Variants in ZNF560 observed in about 807,000 individuals in gnomAD.
ZNF560 encodes the protein zinc finger protein 560.
Under a neutral mutation model 81.8 loss-of-function variants are expected in ZNF560, and 54 were observed. The ratio of observed to expected loss-of-function variants is 0.66; its 90% CI spans 0.53 to 0.83. The LOEUF is 0.83. Among genes scored for constraint, ZNF560 ranks in the 40% least tolerant of loss-of-function variants. The pLI is 0.00. For missense variants in ZNF560, 940 were observed against 932.4 expected, an observed-to-expected ratio of 1.01 and a Z score of -0.11; for synonymous variants, 321 against 317.9, an observed-to-expected ratio of 1.01 and a Z score of -0.10.
chr19:9,489,484 G>C (rs760211378), intron 2 of ZNF560, among the ~76,000 whole-genome samples: 8 of 151,728 alleles, frequency 5.3e-5, no homozygotes, highest in Non-Finnish European at 8.8e-5. Flanking sequence ...CCAGACAGTG[G>C]GGCTGCCGGG....
chr19:9,505,087 A>AAAATAAAT, the ZNF560 span, among the ~76,000 whole-genome samples: 1 of 152,164 alleles, frequency 6.6e-6, no homozygotes, highest in African/African-American at 2.4e-5. Context: ...TTGTCTCAAA[A>AAAATAAAT]AAATAAATAA....
At chr19:9,454,724 C>T in the ZNF560 span, among the ~76,000 whole-genome samples, 9 of 152,054 alleles carry the variant, frequency 5.9e-5, no homozygotes, top group East Asian at 3.9e-4. Context: ...AGGTAGGCAG[C>T]GCACTGAAAA....
chr19:9,506,645 C>A, the ZNF560 span, among the ~76,000 whole-genome samples: 318 of 152,160 alleles, frequency 2.1e-3, 2 homozygotes, highest in African/African-American at 7.3e-3. Flanking sequence ...TCCTGAAGAA[C>A]TCCTTTTAGC....
In ZNF560 at chr19:9,469,199, G is replaced by C. The variant is rs964573799; in HGVS notation, c.530-12C>G. 2 of 1,566,878 alleles carry C rather than the reference G, an allele frequency of 1.3e-6. No individual in the cohort carries two copies. The highest frequency in any genetic ancestry group is 1.4e-5 in the African/African-American group (1 of 72,482). On this transcript the variant is annotated splice_polypyrimidine_tract_variant and intron_variant, in intron 8 of 9. Coordinates refer to ENST00000301480, the MANE Select transcript of ZNF560 (RefSeq NM_152476.3). ...GCACATTTTCCATTCTGAAATAAAA[G>C]AGAAAAATATACATGAGAGTTTACA...
intron 2 of ZNF560, among the ~76,000 whole-genome samples, chr19:9,488,024 A>C (rs1049854747): frequency 2.6e-5 from 4 of 152,128 alleles, no homozygotes; most frequent in African/African-American, 9.7e-5. Context: ...ACAGCACTGG[A>C]AGGAGGGGCC....
intron 2 of ZNF560, among the ~76,000 whole-genome samples, chr19:9,489,747 G>A (rs1036101186): frequency 4.6e-5 from 7 of 151,966 alleles, no homozygotes; most frequent in African/African-American, 1.2e-4. Context: ...CTGCCACCAC[G>A]CCCAGCTAAT....
upstream of ZNF560, among the ~76,000 whole-genome samples, chr19:9,500,277 C>A (rs972367065): frequency 6.6e-6 from 1 of 150,444 alleles, no homozygotes; most frequent in African/African-American, 2.4e-5. Context: ...CCCAGCTACT[C>A]GGGAGGCTGA....
intron 2 of ZNF560, among the ~76,000 whole-genome samples, chr19:9,483,631 GGGCCAGCCCCCCGCC>G (rs2073336634): frequency 1.3e-5 from 2 of 149,238 alleles, no homozygotes; most frequent in African/African-American, 4.9e-5. Context: ...AGGGAGGTGG[GGGCCAGCCCCCCGCC>G]GGCCAGCCGC....
the ZNF560 span, among the ~76,000 whole-genome samples, chr19:9,449,996 A>AAC: frequency 0.018 from 2,122 of 115,434 alleles, 30 homozygotes; most frequent in Non-Finnish European, 0.026. Context: ...AAAAAAAAAA[A>AAC]AACAACTGAA....
At chr19:9,496,715 A>T (rs1599686191) in intron 2 of ZNF560, among the ~76,000 whole-genome samples, 1 of 151,650 alleles carries the variant, frequency 6.6e-6, no homozygotes, top group Non-Finnish European at 1.5e-5. Context: ...AGGCAGGCGG[A>T]TCACGAGGTC....
At chr19:9,468,688 G>A (rs1176544252) in intron 9 of ZNF560, among the ~76,000 whole-genome samples, 1 of 150,368 alleles carries the variant, frequency 6.7e-6, no homozygotes, top group Non-Finnish European at 1.5e-5. Context: ...TTGGGTGAAT[G>A]CCACTTCTCT....
intron 2 of ZNF560, among the ~76,000 whole-genome samples, chr19:9,493,304 G>A (rs1321174176): frequency 6.6e-6 from 1 of 152,168 alleles, no homozygotes; most frequent in Non-Finnish European, 1.5e-5. Context: ...TAAAACCATG[G>A]ATAGCAACTA....
chr19:9,467,682 T>A lies in ZNF560; in HGVS notation c.1265A>T (p.His422Leu), dbSNP rs1260894183. Reference sequence around the variant, plus strand: ...TTTCTCTCTGGCGTGACATCTTATATGTTCAATAAGGCCTGCAGATGTACC... The same window carrying A: ...TTTCTCTCTGGCGTGACATCTTATAAGTTCAATAAGGCCTGCAGATGTACC... ...AFGTSAGLIE[H>L]IRCHAREKTF... is the part of the protein sequence containing the mutation. Residue 422 changes from histidine to leucine, a missense_variant, in exon 10 of 10, where the codon CAT becomes CTT. Transcript: ENST00000301480. The A allele has an allele frequency of 6.2e-7, 1 of 1,614,116 alleles. No individual in the cohort carries two copies. The highest frequency in any genetic ancestry group is 8.5e-7 in the Non-Finnish European group (1 of 1,180,020).
chr19:9,460,475 C>G, the ZNF560 span, among the ~76,000 whole-genome samples: 1 of 152,128 alleles, frequency 6.6e-6, no homozygotes, highest in South Asian at 2.1e-4. Flanking sequence ...TTGGCTGGAC[C>G]CCCCAGTGGA....
chr19:9,478,879 A>G (rs2073242747), intron 2 of ZNF560, among the ~76,000 whole-genome samples: 1 of 152,124 alleles, frequency 6.6e-6, no homozygotes, highest in South Asian at 2.1e-4. Context: ...CACAAAACTT[A>G]ACGAGCCAGG....
intron 2 of ZNF560, among the ~76,000 whole-genome samples, chr19:9,491,114 T>C (rs74178152): frequency 0.076 from 11,469 of 151,762 alleles, 598 homozygotes; most frequent in Non-Finnish European, 0.11. Context: ...ACAAAGTTGG[T>C]TTTGTTTTGT....
Sources: allele counts gnomAD v4.1 joint callset (sites outside exome capture counted in the v4.1 genomes callset), GRCh38; gene constraint gnomAD v4.1.1; transcripts MANE v1.5; gene names NCBI Gene and HGNC (gene_info 2026-07-23, HGNC 2026-07-21).